PEBP4: variants seen among roughly 807,000 people sequenced by gnomAD.
The protein encoded by PEBP4 is phosphatidylethanolamine-binding protein 4.
Under a neutral mutation model 23.9 loss-of-function variants are expected in PEBP4, and 22 were observed. That is an observed-to-expected ratio of 0.92 (90% CI 0.66 to 1.31). The LOEUF (loss-of-function observed/expected upper bound fraction) is 1.31, where lower values mean the gene tolerates loss of function less well. Among genes scored for constraint, PEBP4 ranks in the 40% most tolerant of loss-of-function variants. The pLI is 0.00. For missense variants in PEBP4, 324 were observed against 281.7 expected (o/e 1.15, Z -1.07); for synonymous variants, 112 against 99.3 (o/e 1.13, Z -0.76).
chr8:22,927,556 T>C (rs916682579), intron 2 of PEBP4, 28 bp downstream of exon 2: 4 of 1,598,016 alleles, frequency 2.5e-6, no homozygotes, highest in Non-Finnish European at 3.4e-6. Context: ...CCTCTGTGCC[T>C]CCCGCCTCCA....
At chr8:22,834,474 C>T (rs755747700) in intron 3 of PEBP4, among the ~76,000 whole-genome samples, 31 of 152,236 alleles carry the variant, frequency 2.0e-4, no homozygotes, top group Non-Finnish European at 3.4e-4. Flanking sequence ...AGAGGCACCT[C>T]CACCCAGGAG....
intron 4 of PEBP4, among the ~76,000 whole-genome samples, chr8:22,791,727 ATATT>A (rs1286245278): frequency 6.6e-6 from 1 of 152,246 alleles, no homozygotes; most frequent in Admixed American, 6.5e-5. Flanking sequence ...TTAAGTTATC[ATATT>A]TAATTTATTC....
chr8:22,713,552 GAC>G lies in PEBP4; in HGVS notation c.518-18_518-17del, dbSNP rs1491375956. ...TTCCAAGAGCCTGGAAGGACAAACA[GAC>G]CACAGGGAGGCAGTGAGAAAGAGCC... On this transcript the variant is annotated splice_polypyrimidine_tract_variant and intron_variant, in intron 6 of 6. Transcript: ENST00000256404. 6.2e-7 allele frequency: 1 copy of G among 1,614,008 alleles called. No homozygotes were observed. Among genetic ancestry groups the G allele is most frequent in the African/African-American group, 1.3e-5 (1 of 74,946 alleles).
At position 22,865,650 on chromosome 8, in the gene PEBP4, C is replaced by T. The variant is rs1476192445; in HGVS notation, c.259-47915G>A. On this transcript the variant is annotated intron_variant, in intron 3 of 6. Coordinates refer to ENST00000256404, the MANE Select transcript of PEBP4 (RefSeq NM_144962.3). The surrounding 1 kb of genome is among the most constrained non-coding windows in gnomAD (Gnocchi z 6.9). ...GCTCAGAAAAGCCTCGGATGCTGCC[C>T]GGGAGGAGGAGGCAAAGGAAGACTC... Among the ~76,000 whole-genome samples, 1 of 152,186 alleles carries T rather than the reference C, an allele frequency of 6.6e-6. No individual in the cohort carries two copies. Among genetic ancestry groups the T allele is most frequent in the Non-Finnish European group, 1.5e-5 (1 of 68,010 alleles).
intron 4 of PEBP4, among the ~76,000 whole-genome samples, chr8:22,735,345 A>G (rs150070735): frequency 7.4e-4 from 112 of 152,326 alleles, no homozygotes; most frequent in African/African-American, 2.5e-3. Flanking sequence ...CTTGAAGGAT[A>G]TATAGGAGTT....
At chr8:22,799,905 G>A (rs1251972515) in intron 4 of PEBP4, among the ~76,000 whole-genome samples, 1 of 152,208 alleles carries the variant, frequency 6.6e-6, no homozygotes, top group African/African-American at 2.4e-5. Context: ...ACATGCACAT[G>A]TATGTTTATT....
intron 2 of PEBP4, among the ~76,000 whole-genome samples, chr8:22,921,672 C>T (rs2466220): frequency 3.9e-5 from 6 of 152,224 alleles, no homozygotes; most frequent in Non-Finnish European, 7.4e-5. Flanking sequence ...GAGTGGAAGC[C>T]GGATGAGTCA....
intron 1 of PEBP4, among the ~76,000 whole-genome samples, chr8:22,936,802 T>C (rs890393523): frequency 6.6e-6 from 1 of 151,996 alleles, no homozygotes; most frequent in Admixed American, 6.6e-5. Context: ...ATTCAACATA[T>C]AAAAACCAAT....
At chr8:22,868,608 G>A (rs1335989511) in intron 3 of PEBP4, among the ~76,000 whole-genome samples, 1 of 152,090 alleles carries the variant, frequency 6.6e-6, no homozygotes, top group Non-Finnish European at 1.5e-5. Context: ...AACAAAACAT[G>A]TCCCCCTGAC....
At chr8:22,823,404 C>T (rs1453738573) in intron 3 of PEBP4, among the ~76,000 whole-genome samples, 2 of 151,730 alleles carry the variant, frequency 1.3e-5, no homozygotes, top group Admixed American at 6.6e-5. Flanking sequence ...TAAATTTATG[C>T]AATGGAACAC....
intron 4 of PEBP4, among the ~76,000 whole-genome samples, chr8:22,772,778 C>T (rs1157892273): frequency 6.6e-6 from 1 of 152,210 alleles, no homozygotes; most frequent in Non-Finnish European, 1.5e-5. Flanking sequence ...CTGAGGCCCA[C>T]AGACCTTTTC....
intron 4 of PEBP4, among the ~76,000 whole-genome samples, chr8:22,786,472 G>C (rs1159053663): frequency 6.6e-6 from 1 of 151,862 alleles, no homozygotes; most frequent in Non-Finnish European, 1.5e-5. Flanking sequence ...TTGAAGAGAC[G>C]GGGGCCTTGC....
intron 4 of PEBP4, among the ~76,000 whole-genome samples, chr8:22,737,475 G>T (rs1326635948): frequency 6.6e-6 from 1 of 152,160 alleles, no homozygotes; most frequent in Non-Finnish European, 1.5e-5. Flanking sequence ...CTTTACGTGA[G>T]TTAGTTCACT....
chr8:22,828,360 C>T (rs973813382), intron 3 of PEBP4, among the ~76,000 whole-genome samples: 1 of 152,152 alleles, frequency 6.6e-6, no homozygotes, highest in Non-Finnish European at 1.5e-5. Context: ...CATCACTGTG[C>T]CTGAAATGTT....
chr8:22,930,769 T>C (rs1322751260), upstream of PEBP4, among the ~76,000 whole-genome samples: 3 of 152,198 alleles, frequency 2.0e-5, no homozygotes, highest in Non-Finnish European at 4.4e-5. Context: ...TTCAGGACTT[T>C]GATTCATACT....
chr8:22,812,456 CT>C (rs1423709240), intron 4 of PEBP4, among the ~76,000 whole-genome samples: 1 of 152,226 alleles, frequency 6.6e-6, no homozygotes, highest in Non-Finnish European at 1.5e-5. Context: ...CACCTCTGTG[CT>C]GTCTCCATCA....
At chr8:22,906,411 T>C (rs1563256472) in intron 3 of PEBP4, among the ~76,000 whole-genome samples, 2 of 152,222 alleles carry the variant, frequency 1.3e-5, no homozygotes, top group South Asian at 2.1e-4. Flanking sequence ...ACTATCTGCA[T>C]AGCCATGTGT....
At chr8:22,778,728 C>T (rs1418288871) in intron 4 of PEBP4, among the ~76,000 whole-genome samples, 3 of 152,190 alleles carry the variant, frequency 2.0e-5, no homozygotes, top group African/African-American at 7.2e-5. Context: ...AGGTTCTGGG[C>T]ATGCTGTCTC....
chr8:22,765,189 G>A (rs867472518), intron 4 of PEBP4, among the ~76,000 whole-genome samples: 7 of 148,842 alleles, frequency 4.7e-5, no homozygotes, highest in African/African-American at 1.7e-4. Context: ...CGACGTCCAG[G>A]TAGGAGAGCA....
Sources: allele counts gnomAD v4.1 joint callset (sites outside exome capture counted in the v4.1 genomes callset), GRCh38; gene constraint gnomAD v4.1.1; non-coding constraint Gnocchi (gnomAD v3.1); transcripts MANE v1.5; gene names NCBI Gene and HGNC (gene_info 2026-07-23, HGNC 2026-07-21).